The following HYDIN variants were observed in gnomAD, a reference collection of about 807,000 sequenced individuals.
HYDIN encodes the protein HYDIN axonemal central pair apparatus protein.
HYDIN carries 132 observed loss-of-function variants against 403.9 expected under a neutral mutation model. That is an observed-to-expected ratio of 0.33 (90% CI 0.28 to 0.38). The LOEUF is 0.38. Ranked by LOEUF, HYDIN falls within the 10% of genes least tolerant of loss-of-function variation. The pLI, the probability that HYDIN is intolerant of heterozygous loss-of-function variation, is 1.00. For missense variants in HYDIN, 2,827 were observed against 5,009.5 expected (o/e 0.56, Z 13.15); for synonymous variants, 1,202 against 1,891.7 (o/e 0.64, Z 9.46).
intron 15 of HYDIN, among the ~76,000 whole-genome samples, chr16:71,066,116 T>C (rs552473380): frequency 6.6e-6 from 1 of 152,068 alleles, no homozygotes; most frequent in Admixed American, 6.5e-5. Flanking sequence ...TTTAGACCTT[T>C]TTTTTTTTTA....
At chr16:70,976,066 CAA>C (rs2078878308) in intron 30 of HYDIN, among the ~76,000 whole-genome samples, 1 of 150,392 alleles carries the variant, frequency 6.6e-6, no homozygotes, top group South Asian at 2.2e-4. Flanking sequence ...GCTAGAAAGA[CAA>C]GTTTGTTTTT....
chr16:71,188,191 T>C (rs1221106590), intron 1 of HYDIN, among the ~76,000 whole-genome samples: 1 of 152,190 alleles, frequency 6.6e-6, no homozygotes, highest in Admixed American at 6.5e-5. Context: ...CCTAGGTTTT[T>C]GCTATGTTGA....
intron 78 of HYDIN, among the ~76,000 whole-genome samples, chr16:70,834,983 T>TAC (rs2037309652): frequency 6.8e-6 from 1 of 146,648 alleles, no homozygotes; most frequent in African/African-American, 2.5e-5. Context: ...TGTGTATATA[T>TAC]ATATATATAC....
At chr16:71,181,414 A>G (rs1489912704) in intron 3 of HYDIN, among the ~76,000 whole-genome samples, 1 of 152,136 alleles carries the variant, frequency 6.6e-6, no homozygotes, top group African/African-American at 2.4e-5. Context: ...GATTTATCAG[A>G]AAAATAAATG....
chr16:71,002,015 T>C (rs1050339350), intron 23 of HYDIN, among the ~76,000 whole-genome samples: 1 of 152,252 alleles, frequency 6.6e-6, no homozygotes, highest in African/African-American at 2.4e-5. Context: ...TTCTGTGAAA[T>C]ACCTGCTCAT....
chr16:71,170,841 T>C (rs2086433393), intron 5 of HYDIN, among the ~76,000 whole-genome samples: 1 of 152,132 alleles, frequency 6.6e-6, no homozygotes, highest in South Asian at 2.1e-4. Context: ...GTATGGGACT[T>C]GCTTCAAAAT....
At chr16:71,165,354 A>G (rs766428862) in intron 5 of HYDIN, among the ~76,000 whole-genome samples, 1 of 151,892 alleles carries the variant, frequency 6.6e-6, no homozygotes, top group East Asian at 1.9e-4. Flanking sequence ...CCTCTTCAGC[A>G]CTTGGCACGG....
Position 71,072,458 on chromosome 16 carries a change from T to C in HYDIN, c.1739-2956A>G, listed in dbSNP as rs897604412. Among the ~76,000 whole-genome samples, 4 of 152,338 alleles carry C rather than the reference T, an allele frequency of 2.6e-5. 1 individual carries two copies. The highest frequency in any genetic ancestry group is 6.5e-5 in the Admixed American group (1 of 15,304). On this transcript the variant is annotated intron_variant, in intron 13 of 85. Transcript: ENST00000393567. ...TGCTGTGACTGTGACTAAGAAACTG[T>C]AGACTATAAGTTTCCCACCTGGGGA...
At chr16:70,966,169 T>G (rs1431475192) in intron 36 of HYDIN, among the ~76,000 whole-genome samples, 1 of 152,118 alleles carries the variant, frequency 6.6e-6, no homozygotes, top group Non-Finnish European at 1.5e-5. Flanking sequence ...TTCATCTCCC[T>G]CTGCCCAACT....
chr16:71,037,757 T>TG (rs1159173678), intron 18 of HYDIN, among the ~76,000 whole-genome samples: 3 of 152,176 alleles, frequency 2.0e-5, no homozygotes, highest in Non-Finnish European at 2.9e-5. Flanking sequence ...GCCAATGACC[T>TG]GGGGGGCCCA....
intron 29 of HYDIN, among the ~76,000 whole-genome samples, 167 bp from the exon 30 acceptor site, chr16:70,979,208 T>G (rs189357842): frequency 1.7e-4 from 24 of 143,366 alleles, no homozygotes; most frequent in Non-Finnish European, 2.8e-4. Flanking sequence ...GAGGGTGAGG[T>G]GATGTGAGAG....
At chr16:70,826,568 T>C (rs2036602691) in intron 83 of HYDIN, among the ~76,000 whole-genome samples, 1 of 151,838 alleles carries the variant, frequency 6.6e-6, no homozygotes, top group Non-Finnish European at 1.5e-5. Flanking sequence ...TTTTTAGATG[T>C]TTCATGATGT....
chr16:71,178,195 G>T (rs1356706925), intron 4 of HYDIN, among the ~76,000 whole-genome samples: 1 of 152,064 alleles, frequency 6.6e-6, no homozygotes, highest in Non-Finnish European at 1.5e-5. Context: ...CGAAGTGGGT[G>T]GATCACCTGA....
At chr16:70,848,980 A>T (rs1345944117) in intron 75 of HYDIN, among the ~76,000 whole-genome samples, 1 of 151,274 alleles carries the variant, frequency 6.6e-6, no homozygotes, top group African/African-American at 2.4e-5. Flanking sequence ...ATTACAACTG[A>T]TTGTTTTTGA....
At chr16:70,866,102 G>A (rs914125490) in intron 67 of HYDIN, 67 bp downstream of exon 67, 126 of 1,054,480 alleles carry the variant, frequency 1.2e-4, no homozygotes, top group Non-Finnish European at 1.7e-4. Flanking sequence ...CGTTTGATGA[G>A]TGAGTGAGTG....
At position 70,908,667 on chromosome 16, in the gene HYDIN, C is replaced by T. The variant is rs2076604758; in HGVS notation, c.8199G>A (p.Gln2733=). The change falls in exon 48 of 86, where the codon CAG becomes CAA. Residue 2733 remains glutamine (Q), a synonymous_variant. Coordinates refer to ENST00000393567, the MANE Select transcript of HYDIN (RefSeq NM_001270974.2). ...GGAAGGCCCACCTGGTGAATTTCTCCTGGGAGTGCTGCCCGTTGAAGTTGT... is the reference window on the plus strand; with the variant it reads ...GGAAGGCCCACCTGGTGAATTTCTCTTGGGAGTGCTGCCCGTTGAAGTTGT... ...DLDNFNGQHS[Q]EKFTRLNHFR... is the part of the protein sequence containing the mutation. 6.3e-7 allele frequency: 1 copy of T among 1,592,550 alleles called. No homozygotes were observed. Among genetic ancestry groups the T allele is most frequent in the East Asian group, 2.3e-5 (1 of 43,920 alleles).
chr16:71,158,798 T>C (rs1253328542), intron 6 of HYDIN, among the ~76,000 whole-genome samples: 2 of 151,216 alleles, frequency 1.3e-5, no homozygotes, highest in African/African-American at 4.9e-5. Flanking sequence ...CCTCTTACCT[T>C]GGCCTCCCAA....
At chr16:70,864,375 A>C (rs1179150893) in intron 67 of HYDIN, among the ~76,000 whole-genome samples, 11 of 120,860 alleles carry the variant, frequency 9.1e-5, no homozygotes, top group African/African-American at 1.8e-4. Flanking sequence ...AAAAAAAAAA[A>C]AAAAAAAAAA....
chr16:71,030,848 A>G (rs1255087208), intron 19 of HYDIN, among the ~76,000 whole-genome samples: 2 of 152,074 alleles, frequency 1.3e-5, no homozygotes, highest in Non-Finnish European at 2.9e-5. Flanking sequence ...GGCAAAGCCA[A>G]TGGAAACCAT....
Sources: allele counts gnomAD v4.1 joint callset (sites outside exome capture counted in the v4.1 genomes callset), GRCh38; gene constraint gnomAD v4.1.1; transcripts MANE v1.5; gene names NCBI Gene and HGNC (gene_info 2026-07-23, HGNC 2026-07-21).